Variants in PARD3B observed in about 807,000 individuals in gnomAD.
PARD3B encodes partitioning defective 3 homolog B.
Under a neutral mutation model 130.2 loss-of-function variants are expected in PARD3B, and 103 were observed. That is an observed-to-expected ratio of 0.79 (90% CI 0.67 to 0.93). The LOEUF is 0.93. Among genes scored for constraint, PARD3B ranks in the 40% least tolerant of loss-of-function variants. The pLI is 0.00. For missense variants in PARD3B, 1,609 were observed against 1,499.2 expected, an observed-to-expected ratio of 1.07 and a Z score of -1.21; for synonymous variants, 583 against 553.2, an observed-to-expected ratio of 1.05 and a Z score of -0.76.
At chr2:204,547,535 T>C (rs2030078595) in intron 1 of PARD3B, among the ~76,000 whole-genome samples, 3 of 152,228 alleles carry the variant, frequency 2.0e-5, no homozygotes, top group Admixed American at 2.0e-4. Flanking sequence ...GTTTAAATCA[T>C]GTAATTCAGT....
chr2:204,998,311 A>AGT (rs1321879020), intron 3 of PARD3B, among the ~76,000 whole-genome samples: 39 of 73,540 alleles, frequency 5.3e-4, no homozygotes, highest in Middle Eastern at 6.3e-3. Flanking sequence ...CAGAACTTAA[A>AGT]GTATATATAT....
intron 2 of PARD3B, among the ~76,000 whole-genome samples, chr2:204,759,271 A>C (rs1031761650): frequency 6.6e-6 from 1 of 152,148 alleles, no homozygotes; most frequent in Non-Finnish European, 1.5e-5. Context: ...GTGTTAATTT[A>C]TTTCAAAATG....
chr2:205,152,606 G>A (rs192570332), intron 10 of PARD3B, among the ~76,000 whole-genome samples: 8 of 152,200 alleles, frequency 5.3e-5, no homozygotes, highest in East Asian at 1.9e-4. Flanking sequence ...CAGCTCCATC[G>A]GGTCATTTAA....
intron 2 of PARD3B, among the ~76,000 whole-genome samples, chr2:204,902,128 C>T (rs1349305087): frequency 3.3e-5 from 5 of 152,184 alleles, no homozygotes; most frequent in Non-Finnish European, 7.3e-5. Context: ...AACTTCAATT[C>T]AGAAGCTGTA....
intron 18 of PARD3B, among the ~76,000 whole-genome samples, chr2:205,382,017 C>A (rs191850399): frequency 6.6e-6 from 1 of 152,104 alleles, no homozygotes; most frequent in Non-Finnish European, 1.5e-5. Context: ...ATAATTACCC[C>A]CAATGTTAAA....
intron 2 of PARD3B, among the ~76,000 whole-genome samples, chr2:204,867,799 A>G (rs1035877105): frequency 3.3e-5 from 5 of 152,194 alleles, no homozygotes; most frequent in Admixed American, 6.5e-5. Flanking sequence ...TGGTTGTTAA[A>G]AAAATAATAA....
intron 2 of PARD3B, among the ~76,000 whole-genome samples, chr2:204,738,585 T>G (rs934912217): frequency 1.3e-5 from 2 of 152,130 alleles, no homozygotes; most frequent in Non-Finnish European, 2.9e-5. Flanking sequence ...GTTCTCTAAT[T>G]AGGGTCTCAC....
intron 15 of PARD3B, among the ~76,000 whole-genome samples, chr2:205,232,827 A>G (rs1470185655): frequency 1.3e-5 from 2 of 152,220 alleles, no homozygotes; most frequent in Admixed American, 1.3e-4. Context: ...ATATGAATAC[A>G]CACAGTAGAA....
At chr2:205,357,423 C>T (rs987095480) in intron 18 of PARD3B, among the ~76,000 whole-genome samples, 8 of 152,148 alleles carry the variant, frequency 5.3e-5, no homozygotes, top group African/African-American at 1.9e-4. Context: ...ACATTAAGAA[C>T]CCAAAGTCTA....
intron 2 of PARD3B, among the ~76,000 whole-genome samples, chr2:204,735,554 A>G (rs2039708888): frequency 6.6e-6 from 1 of 152,210 alleles, no homozygotes; most frequent in Non-Finnish European, 1.5e-5. Context: ...AGAAAACAGG[A>G]AAGAAAGGGG....
chr2:205,143,251 T>C (rs1405931407), intron 10 of PARD3B, among the ~76,000 whole-genome samples: 1 of 152,214 alleles, frequency 6.6e-6, no homozygotes, highest in Non-Finnish European at 1.5e-5. Context: ...AGGGAAATGA[T>C]TGACTAAAAA....
intron 4 of PARD3B, among the ~76,000 whole-genome samples, chr2:205,060,296 A>G (rs573655970): frequency 3.9e-5 from 6 of 152,260 alleles, no homozygotes; most frequent in South Asian, 4.1e-4. Context: ...GCCAAAATCT[A>G]TATTGTACAG....
chr2:205,574,642 G>C (rs998735325), intron 22 of PARD3B, among the ~76,000 whole-genome samples: 1 of 152,046 alleles, frequency 6.6e-6, no homozygotes, highest in African/African-American at 2.4e-5. Flanking sequence ...CTCCAGTGGG[G>C]GGGCAACTTC....
chr2:204,807,541 C>T (rs1184232578), intron 2 of PARD3B, among the ~76,000 whole-genome samples: 4 of 152,092 alleles, frequency 2.6e-5, no homozygotes, highest in African/African-American at 7.2e-5. Flanking sequence ...AATGTCTGCA[C>T]TCTCATGTTT....
At chr2:205,029,205 G>A (rs1359826472) in intron 3 of PARD3B, among the ~76,000 whole-genome samples, 1 of 151,982 alleles carries the variant, frequency 6.6e-6, no homozygotes, top group East Asian at 1.9e-4. Flanking sequence ...TCATTATTTT[G>A]CTGTGTCAAA....
At chr2:204,888,603 C>A (rs757897353) in intron 2 of PARD3B, among the ~76,000 whole-genome samples, 2 of 151,772 alleles carry the variant, frequency 1.3e-5, no homozygotes. Flanking sequence ...TGGTTGTGTG[C>A]TTCTGTAGTT....
In PARD3B at chr2:205,286,632, A is replaced by G. The variant is rs540223577; in HGVS notation, c.2186-13898A>G. Among the ~76,000 whole-genome samples the G allele has an allele frequency of 2.0e-5, 3 of 152,344 alleles. No homozygotes were observed. The South Asian group carries it at 6.2e-4, about 32-fold the overall frequency. The stretch of plus-strand genomic sequence containing the variant: ...AGGGAAACTTAAAACAAACACAGTG[A>G]TAAAACACAAACCCTTCTCCAGAAA... On this transcript the variant is annotated intron_variant, in intron 16 of 22. Transcript: ENST00000406610.
intron 21 of PARD3B, among the ~76,000 whole-genome samples, chr2:205,520,823 A>C (rs2051014446): frequency 6.6e-6 from 1 of 152,048 alleles, no homozygotes; most frequent in Admixed American, 6.6e-5. Context: ...AAAACTGTGA[A>C]TTTAATGTTT....
chr2:205,231,212 G>T (rs1452005599), intron 15 of PARD3B, among the ~76,000 whole-genome samples: 4 of 152,020 alleles, frequency 2.6e-5, no homozygotes, highest in South Asian at 4.2e-4. Flanking sequence ...CTTCTATTTG[G>T]CTCTCTTACT....
Sources: allele counts gnomAD v4.1 joint callset (sites outside exome capture counted in the v4.1 genomes callset), GRCh38; gene constraint gnomAD v4.1.1; transcripts MANE v1.5; gene names NCBI Gene and HGNC (gene_info 2026-07-23, HGNC 2026-07-21).